Variants in NKAIN3 observed in about 807,000 individuals in gnomAD.
The protein encoded by NKAIN3 is sodium/potassium transporting ATPase interacting 3.
Under a neutral mutation model 30.2 loss-of-function variants are expected in NKAIN3, and 25 were observed. The observed-to-expected ratio is 0.83, with a 90% CI of 0.60 to 1.16. NKAIN3 has a LOEUF of 1.16. Ranked by LOEUF, NKAIN3 falls within the 50% of genes most tolerant of loss-of-function variation. The probability of loss-of-function intolerance (pLI) is 0.00; values close to 1 mark genes in which losing one functional copy is unlikely to be tolerated. For synonymous variants in NKAIN3, 91 were observed against 89.6 expected (o/e 1.02, Z -0.09); for missense variants, 225 against 254.1 (o/e 0.89, Z 0.78).
At chr8:62,350,951 A>G (rs1286362887) in intron 1 of NKAIN3, among the ~76,000 whole-genome samples, 6 of 151,944 alleles carry the variant, frequency 3.9e-5, no homozygotes, top group African/African-American at 1.4e-4. Flanking sequence ...CGGCCTCCCA[A>G]AGTGCTGGGA....
At chr8:62,466,379 G>C (rs937997298) in intron 1 of NKAIN3, among the ~76,000 whole-genome samples, 1 of 152,034 alleles carries the variant, frequency 6.6e-6, no homozygotes, top group South Asian at 2.1e-4. Context: ...TTAAAGATCA[G>C]TGTTTTCGTC....
At chr8:62,964,761 T>C (rs1290297609) in intron 6 of NKAIN3, among the ~76,000 whole-genome samples, 6 of 152,076 alleles carry the variant, frequency 3.9e-5, no homozygotes, top group African/African-American at 1.4e-4. Context: ...CAATCTGCTT[T>C]ACTCAAAGTC....
chr8:62,692,959 C>A (rs1293157391), intron 3 of NKAIN3, among the ~76,000 whole-genome samples: 1 of 152,198 alleles, frequency 6.6e-6, no homozygotes, highest in Non-Finnish European at 1.5e-5. Flanking sequence ...CTATGCTCCT[C>A]ATTCTCCTGT....
At chr8:62,564,781 A>G (rs1312825159) in intron 1 of NKAIN3, among the ~76,000 whole-genome samples, 1 of 152,170 alleles carries the variant, frequency 6.6e-6, no homozygotes, top group Non-Finnish European at 1.5e-5. Flanking sequence ...TGTATTACCT[A>G]TTGTGGGTGG....
chr8:62,915,759 G>A (rs375268523), intron 4 of NKAIN3, among the ~76,000 whole-genome samples: 6 of 151,936 alleles, frequency 3.9e-5, no homozygotes, highest in African/African-American at 1.2e-4. Flanking sequence ...AAAATGTCCC[G>A]ACGTTATGAA....
chr8:62,424,395 C>T (rs1440033551), intron 1 of NKAIN3, among the ~76,000 whole-genome samples: 1 of 151,710 alleles, frequency 6.6e-6, no homozygotes, highest in Non-Finnish European at 1.5e-5. Flanking sequence ...GTAAACCATA[C>T]ATCTAAAAAT....
At chr8:62,864,254 C>G (rs1019095449) in intron 4 of NKAIN3, 39 of 939,252 alleles carry the variant, frequency 4.2e-5, no homozygotes, top group South Asian at 1.7e-4. Context: ...AGGAGGCGGC[C>G]GAGGCAGACG....
chr8:62,785,068 A>T (rs894760372), intron 4 of NKAIN3, among the ~76,000 whole-genome samples: 1 of 152,204 alleles, frequency 6.6e-6, no homozygotes, highest in Non-Finnish European at 1.5e-5. Context: ...TCAACAAATT[A>T]AATACAGAAC....
chr8:62,988,773 T>C (rs1824257773), downstream of NKAIN3, among the ~76,000 whole-genome samples: 1 of 152,256 alleles, frequency 6.6e-6, no homozygotes. Flanking sequence ...TGATTAGCAT[T>C]TCAGCTCCTC....
chr8:62,792,772 C>T (rs113161795), intron 4 of NKAIN3, among the ~76,000 whole-genome samples: 2,102 of 152,032 alleles, frequency 0.014, 49 homozygotes, highest in African/African-American at 0.049. Flanking sequence ...GGTTAAAAAG[C>T]CAGGGAATAA....
intron 1 of NKAIN3, among the ~76,000 whole-genome samples, chr8:62,489,826 G>T (rs1001076685): frequency 6.6e-6 from 1 of 152,248 alleles, no homozygotes; most frequent in African/African-American, 2.4e-5. Flanking sequence ...TGGTGGATAC[G>T]TGGAGCAGTG....
At chr8:62,579,709 AAAC>A (rs773209682) in intron 2 of NKAIN3, 33 bp downstream of exon 2, 2 of 1,257,316 alleles carry the variant, frequency 1.6e-6, no homozygotes, top group South Asian at 4.7e-5. Flanking sequence ...TGCTTCATAT[AAAC>A]AATTCAAAAT....
intron 1 of NKAIN3, among the ~76,000 whole-genome samples, chr8:62,249,686 G>T (rs1195832037): frequency 6.6e-6 from 1 of 152,118 alleles, no homozygotes; most frequent in African/African-American, 2.4e-5. Flanking sequence ...AGGAGATCAG[G>T]CTGTGTGCTT....
At chr8:62,547,809 T>C (rs926759123) in intron 1 of NKAIN3, among the ~76,000 whole-genome samples, 1 of 152,196 alleles carries the variant, frequency 6.6e-6, no homozygotes, top group Admixed American at 6.5e-5. Context: ...CAATGTGGCA[T>C]GCTATGGAGA....
chr8:62,290,667 TC>T (rs767915687), intron 1 of NKAIN3, among the ~76,000 whole-genome samples: 1 of 152,330 alleles, frequency 6.6e-6, no homozygotes, highest in East Asian at 1.9e-4. Flanking sequence ...GATTTTTGCA[TC>T]AATGTTCATC....
At chr8:62,389,485 C>T (rs914120840) in intron 1 of NKAIN3, among the ~76,000 whole-genome samples, 6 of 152,172 alleles carry the variant, frequency 3.9e-5, no homozygotes, top group Admixed American at 1.3e-4. Flanking sequence ...TCAGGGCAGC[C>T]TCTGTCACAT....
chr8:62,991,822 C>T lies in NKAIN3; in HGVS notation c.533-7409C>T, dbSNP rs564731646. 9.5e-4 allele frequency among the ~76,000 whole-genome samples: 145 copies of T among 152,192 alleles called. 1 individual carries two copies. The highest frequency in any genetic ancestry group is 3.4e-3 in the African/African-American group (142 of 41,516). On this transcript the variant is annotated intron_variant, in intron 5 of 5. Transcript: ENST00000519049. ...ATACTTTTAGAACTCTTTAATTGAA[C>T]GTGTCTTTAAGGGACAAAGTGTCCT...
At chr8:62,582,137 T>G (rs1366998172) in intron 2 of NKAIN3, among the ~76,000 whole-genome samples, 1 of 120,446 alleles carries the variant, frequency 8.3e-6, no homozygotes, top group Non-Finnish European at 2.0e-5. Flanking sequence ...CTTCCTTTCT[T>G]CCTTCCTTCC....
At position 62,970,461 on chromosome 8, in the gene NKAIN3, A is replaced by C; in HGVS notation, c.*5054A>C. 6.6e-6 allele frequency among the ~76,000 whole-genome samples: 1 copy of C among 151,990 alleles called. No individual in the cohort carries two copies. Among genetic ancestry groups the C allele is most frequent in the East Asian group, 1.9e-4 (1 of 5,158 alleles). ...AAAATTTGGTGGCAGGCAAAACTTGAATCATCTTTCTTGAACTTGCATTCA... is the reference window on the plus strand; with the variant it reads ...AAAATTTGGTGGCAGGCAAAACTTGCATCATCTTTCTTGAACTTGCATTCA... On this transcript the variant is annotated 3_prime_UTR_variant, in exon 7 of 7. Transcript: ENST00000623646.
Sources: gnomAD v4.1 joint callset for allele counts (sites outside exome capture counted in the v4.1 genomes callset) on GRCh38, gnomAD v4.1.1 for gene constraint, MANE v1.5 for transcripts, NCBI Gene and HGNC (gene_info 2026-07-23, HGNC 2026-07-21) for gene names.